Variants in WDR70 observed in about 807,000 individuals in gnomAD.
WDR70 encodes the protein WD repeat-containing protein 70.
Under a neutral mutation model 88.6 loss-of-function variants are expected in WDR70, and 53 were observed. The observed-to-expected ratio is 0.60, with a 90% CI of 0.48 to 0.75. WDR70 has a LOEUF of 0.75. WDR70 is among the 30% of genes least tolerant of loss of function. The pLI, the probability that WDR70 is intolerant of heterozygous loss-of-function variation, is 0.00. For synonymous variants in WDR70, 280 were observed against 270.0 expected (o/e 1.04, Z -0.36); for missense variants, 610 against 823.2 (o/e 0.74, Z 3.17).
intron 8 of WDR70, among the ~76,000 whole-genome samples, chr5:37,489,276 A>G (rs531590834): frequency 3.3e-5 from 5 of 152,304 alleles, no homozygotes; most frequent in African/African-American, 1.2e-4. Flanking sequence ...TTGAGCCTCC[A>G]GGTGGCTTTT....
intron 6 of WDR70, 46 bp downstream of exon 6, chr5:37,438,027 G>C (rs373965965): frequency 1.4e-4 from 218 of 1,532,460 alleles, no homozygotes; most frequent in Non-Finnish European, 1.8e-4. Context: ...TTACAGGGCT[G>C]TCATGGAAAA....
chr5:37,676,402 A>G (rs1408876643), intron 10 of WDR70, among the ~76,000 whole-genome samples: 1 of 152,150 alleles, frequency 6.6e-6, no homozygotes, highest in African/African-American at 2.4e-5. Context: ...ATTTTGAAAT[A>G]CGTCCCATAA....
chr5:37,450,805 T>C (rs1738654059), intron 7 of WDR70, among the ~76,000 whole-genome samples: 1 of 152,134 alleles, frequency 6.6e-6, no homozygotes, highest in African/African-American at 2.4e-5. Flanking sequence ...TCACAAATGG[T>C]CTTTGTTAAA....
At chr5:37,748,267 C>T (rs1405552554) in intron 17 of WDR70, among the ~76,000 whole-genome samples, 2 of 151,262 alleles carry the variant, frequency 1.3e-5, no homozygotes, top group East Asian at 1.9e-4. Flanking sequence ...ACCAAAACAG[C>T]CATATAGACC....
At chr5:37,738,893 A>G (rs2112727042) in intron 17 of WDR70, among the ~76,000 whole-genome samples, 1 of 152,392 alleles carries the variant, frequency 6.6e-6, no homozygotes, top group South Asian at 2.1e-4. Context: ...TTATGAAATC[A>G]TATTAACTAT....
intron 13 of WDR70, among the ~76,000 whole-genome samples, chr5:37,717,340 G>A (rs1481087506): frequency 6.6e-6 from 1 of 152,194 alleles, no homozygotes; most frequent in Non-Finnish European, 1.5e-5. Flanking sequence ...GTGGCCTTCT[G>A]CCATTGGAAT....
intron 10 of WDR70, among the ~76,000 whole-genome samples, chr5:37,623,111 G>T (rs1282888985): frequency 2.0e-5 from 3 of 152,098 alleles, no homozygotes; most frequent in Admixed American, 1.3e-4. Flanking sequence ...GCTAAATCAA[G>T]ACTTTCTGCT....
rs1749245166 is a variant in WDR70 at position 37,402,946 on chromosome 5, T to TG, written c.492+6376_492+6377insG. 5.3e-5 allele frequency among the ~76,000 whole-genome samples: 7 copies of TG among 131,212 alleles called. No homozygotes were observed. The South Asian group carries it at 2.1e-3, about 40-fold the overall frequency. The allele number at this position is 131,212 out of a possible 152,430, so 86.1% of individuals were successfully genotyped here. A position where few individuals can be genotyped will look rare whatever the true frequency, so the allele number is the denominator to read the frequency against. On this transcript the variant is annotated intron_variant, in intron 5 of 17. Coordinates refer to ENST00000265107, the MANE Select transcript of WDR70 (RefSeq NM_018034.4). ...TCCCTCCTTCCCTCCCTCCCTCCGTTTTTTTTTTTTTTTTTTTTGAGTCAA... is the reference window on the plus strand; with the variant it reads ...TCCCTCCTTCCCTCCCTCCCTCCGTTGTTTTTTTTTTTTTTTTTTGAGTCAA...
intron 9 of WDR70, among the ~76,000 whole-genome samples, chr5:37,561,663 C>T (rs1355188136): frequency 1.3e-5 from 2 of 152,084 alleles, no homozygotes; most frequent in East Asian, 1.9e-4. Context: ...CAGGCCATGT[C>T]GTTATGAGGG....
intron 10 of WDR70, 147 bp downstream of exon 10, chr5:37,605,385 C>T (rs759269489): frequency 6.2e-5 from 45 of 727,276 alleles, no homozygotes; most frequent in Non-Finnish European, 8.1e-5. Context: ...GGTGATCAAA[C>T]GTTGAGACTT....
intron 17 of WDR70, among the ~76,000 whole-genome samples, chr5:37,738,471 A>G (rs1748372094): frequency 6.6e-6 from 1 of 152,228 alleles, no homozygotes; most frequent in Non-Finnish European, 1.5e-5. Context: ...ATTTTGTTAC[A>G]GTGAAGACGA....
intron 13 of WDR70, among the ~76,000 whole-genome samples, chr5:37,720,799 A>G (rs1747787049): frequency 6.6e-6 from 1 of 152,220 alleles, no homozygotes; most frequent in African/African-American, 2.4e-5. Context: ...TGGATTTAGC[A>G]TTCCATGATG....
chr5:37,706,389 C>A (rs904608547), intron 13 of WDR70, among the ~76,000 whole-genome samples: 4 of 152,096 alleles, frequency 2.6e-5, no homozygotes, highest in Admixed American at 6.5e-5. Context: ...ATGTCCCCAC[C>A]CAAATCTCAT....
intron 3 of WDR70, among the ~76,000 whole-genome samples, chr5:37,389,089 C>CT (rs869256981): frequency 0.047 from 5,902 of 124,910 alleles, 496 homozygotes; most frequent in African/African-American, 0.16. Flanking sequence ...CAGGCCCATT[C>CT]TTTTTTTTTT....
chr5:37,558,687 A>T (rs17323725), intron 9 of WDR70, among the ~76,000 whole-genome samples: 14,373 of 152,010 alleles, frequency 0.095, 883 homozygotes, highest in South Asian at 0.19. Context: ...TCTTGACAAA[A>T]GTTTATTTCT....
chr5:37,451,413 T>C (rs1413985083), intron 7 of WDR70, among the ~76,000 whole-genome samples: 1 of 152,182 alleles, frequency 6.6e-6, no homozygotes, highest in African/African-American at 2.4e-5. Context: ...TGGTAGTCAC[T>C]CGTCACATGG....
intron 5 of WDR70, 30 bp downstream of exon 5, chr5:37,396,600 C>T (rs769417349): frequency 2.2e-5 from 35 of 1,563,950 alleles, no homozygotes; most frequent in African/African-American, 2.7e-5. Flanking sequence ...TTTAAGAATT[C>T]GGTGGAGTAA....
chr5:37,551,308 C>T (rs72738770), intron 9 of WDR70, among the ~76,000 whole-genome samples: 4,446 of 149,950 alleles, frequency 0.03, 90 homozygotes, highest in Middle Eastern at 0.098. Flanking sequence ...TTTGTTCCCC[C>T]CCTCCGCAAA....
intron 5 of WDR70, among the ~76,000 whole-genome samples, chr5:37,400,769 GA>G (rs1749166656): frequency 6.6e-6 from 1 of 152,160 alleles, no homozygotes; most frequent in South Asian, 2.1e-4. Context: ...ACTAATGGCT[GA>G]TAAACAGAAG....
Sources: allele counts gnomAD v4.1 joint callset (sites outside exome capture counted in the v4.1 genomes callset), GRCh38; gene constraint gnomAD v4.1.1; transcripts MANE v1.5; gene names NCBI Gene and HGNC (gene_info 2026-07-23, HGNC 2026-07-21).